Variants in PCDHA4 observed in about 807,000 individuals in gnomAD.
PCDHA4 encodes protocadherin alpha 4.
In PCDHA4, 49 loss-of-function variants were observed where a neutral mutation model predicts 61.4. The observed-to-expected ratio is 0.80, with a 90% CI of 0.63 to 1.01. The LOEUF (loss-of-function observed/expected upper bound fraction) is 1.01, where lower values mean the gene tolerates loss of function less well. Ranked by LOEUF, PCDHA4 falls within the 50% of genes least tolerant of loss-of-function variation. The probability of loss-of-function intolerance (pLI) is 0.00; values close to 1 mark genes in which losing one functional copy is unlikely to be tolerated. For missense variants in PCDHA4, 1,254 were observed against 1,235.8 expected (o/e 1.01, Z -0.22); for synonymous variants, 590 against 550.3 (o/e 1.07, Z -1.01).
rs1225926404 is a variant in PCDHA4 at position 140,809,012 on chromosome 5, T to A, written c.1825T>A (p.Tyr609Asn). 6.2e-7 allele frequency: 1 copy of A among 1,613,674 alleles called. No individual in the cohort carries two copies. Among genetic ancestry groups the A allele is most frequent in the Non-Finnish European group, 8.5e-7 (1 of 1,179,742 alleles). ...CTCGGGCTACAACGCGTGGCTTTCGTACGAGCTGCAGCCGGGGACTGGTGG... is the reference window on the plus strand; with the variant it reads ...CTCGGGCTACAACGCGTGGCTTTCGAACGAGCTGCAGCCGGGGACTGGTGG... Reference protein sequence around the residue: ...ADSGYNAWLSYELQPGTGGAR... With the variant: ...ADSGYNAWLSNELQPGTGGAR... Residue 609 changes from tyrosine to asparagine, a missense_variant, in exon 1 of 4, where the codon TAC becomes AAC. Physicochemically the swap from Tyr to Asn is moderately radical, Grantham distance 143 (BLOSUM62 -2). Transcript: ENST00000530339.
intron 1 of PCDHA4, among the ~76,000 whole-genome samples, chr5:140,902,684 A>G (rs1173996816): frequency 6.6e-6 from 1 of 152,100 alleles, no homozygotes; most frequent in Non-Finnish European, 1.5e-5. Flanking sequence ...ACCGTACCTA[A>G]TATGTGTAGT....
At chr5:140,959,285 G>A (rs2095478960) in intron 1 of PCDHA4, among the ~76,000 whole-genome samples, 1 of 152,002 alleles carries the variant, frequency 6.6e-6, no homozygotes, top group African/African-American at 2.4e-5. Flanking sequence ...CCTGAGGTGG[G>A]AGCATCACTG....
intron 1 of PCDHA4, among the ~76,000 whole-genome samples, chr5:140,963,268 T>C (rs1329086504): frequency 6.6e-6 from 1 of 152,042 alleles, no homozygotes; most frequent in African/African-American, 2.4e-5. Flanking sequence ...GACTTTGAAA[T>C]GTATGTAAGA....
intron 1 of PCDHA4, among the ~76,000 whole-genome samples, chr5:140,916,248 T>C (rs2077492943): frequency 6.6e-6 from 1 of 152,180 alleles, no homozygotes; most frequent in Admixed American, 6.5e-5. Flanking sequence ...AGCCTGGACT[T>C]GGGGACCCCA....
At chr5:140,877,761 C>T (rs2057326734) in intron 1 of PCDHA4, 4 of 1,614,180 alleles carry the variant, frequency 2.5e-6, no homozygotes, top group Non-Finnish European at 8.5e-7. Flanking sequence ...CTGCAGAGAG[C>T]CCGCCCAAGA....
At chr5:140,875,288 A>G in intron 1 of PCDHA4, 2 of 1,392,506 alleles carry the variant, frequency 1.4e-6, no homozygotes, top group East Asian at 2.5e-5. Flanking sequence ...TGAAACAGGA[A>G]AATTTTTTTC....
intron 1 of PCDHA4, among the ~76,000 whole-genome samples, chr5:140,938,922 T>G (rs2092267013): frequency 6.6e-6 from 1 of 151,926 alleles, no homozygotes; most frequent in Non-Finnish European, 1.5e-5. Flanking sequence ...CACAAGAAAT[T>G]GGCTTTTAAC....
chr5:140,961,622 A>G (rs2095624628), intron 1 of PCDHA4, among the ~76,000 whole-genome samples: 1 of 152,218 alleles, frequency 6.6e-6, no homozygotes, highest in Non-Finnish European at 1.5e-5. Flanking sequence ...AAGTGCCCAT[A>G]TGAAAAACAA....
chr5:140,877,416 G>A (rs368900600), intron 1 of PCDHA4: 32 of 1,613,802 alleles, frequency 2.0e-5, no homozygotes, highest in Non-Finnish European at 2.7e-5. Flanking sequence ...ACCGCCTGCT[G>A]GTGCTGGTGA....
intron 1 of PCDHA4, among the ~76,000 whole-genome samples, chr5:140,933,667 C>A (rs2089323484): frequency 6.6e-6 from 1 of 151,936 alleles, no homozygotes. Flanking sequence ...CTCTCTCTGT[C>A]TCTCTCACAT....
intron 3 of PCDHA4, among the ~76,000 whole-genome samples, chr5:141,007,680 C>G (rs1179621299): frequency 1.3e-5 from 2 of 152,148 alleles, no homozygotes; most frequent in African/African-American, 4.8e-5. Flanking sequence ...CAAAAGTTAT[C>G]CTACTTCCAC....
chr5:140,809,388 C>T lies in PCDHA4; in HGVS notation c.2201C>T (p.Pro734Leu), dbSNP rs782714901. The change falls in exon 1 of 4, where the codon CCG becomes CTG. Residue 734 changes from proline to leucine, a missense_variant. Transcript: ENST00000530339. ...SALPTEGACA[P>L]GKPTLVCSSA... ...CTGCCCACCGAGGGCGCGTGCGCTCCGGGCAAGCCCACGCTGGTGTGCTCC... is the reference window on the plus strand; with the variant it reads ...CTGCCCACCGAGGGCGCGTGCGCTCTGGGCAAGCCCACGCTGGTGTGCTCC... 16 of 1,613,944 alleles carry T rather than the reference C, an allele frequency of 9.9e-6. No individual in the cohort carries two copies. The highest frequency in any genetic ancestry group is 1.3e-5 in the African/African-American group (1 of 74,948).
At chr5:140,911,659 T>G (rs2075588861) in intron 1 of PCDHA4, among the ~76,000 whole-genome samples, 1 of 152,142 alleles carries the variant, frequency 6.6e-6, no homozygotes, top group African/African-American at 2.4e-5. Flanking sequence ...GTTACTAAAC[T>G]CCTTGCCTCT....
At chr5:140,829,959 G>A (rs2150178613) in intron 1 of PCDHA4, 1 of 1,613,960 alleles carries the variant, frequency 6.2e-7, no homozygotes, top group Non-Finnish European at 8.5e-7. Flanking sequence ...TTCCCGTTTC[G>A]CGTGGGGCTG....
At chr5:140,882,424 G>A in intron 1 of PCDHA4, 1 of 1,614,114 alleles carries the variant, frequency 6.2e-7, no homozygotes, top group Non-Finnish European at 8.5e-7. Context: ...CTCAGGACCT[G>A]GGGCTGGAGC....
chr5:140,863,352 G>T (rs568992628), intron 1 of PCDHA4: 16 of 1,288,838 alleles, frequency 1.2e-5, no homozygotes, highest in Non-Finnish European at 1.6e-5. Context: ...TGTACACGAC[G>T]CTGCGGTGCT....
At chr5:140,933,043 TTACAG>T (rs2088815102) in intron 1 of PCDHA4, among the ~76,000 whole-genome samples, 1 of 151,992 alleles carries the variant, frequency 6.6e-6, no homozygotes, top group Admixed American at 6.5e-5. Flanking sequence ...TGAATATGGA[TTACAG>T]TCCAGGATCC....
chr5:140,967,775 G>A, intron 1 of PCDHA4: 2 of 1,614,200 alleles, frequency 1.2e-6, no homozygotes, highest in South Asian at 2.2e-5. Context: ...CTATGTGCAG[G>A]CGACTGACCG....
chr5:140,970,776 A>G lies in PCDHA4; in HGVS notation c.2386-8173A>G, dbSNP rs1338334067. Among the ~76,000 whole-genome samples the G allele has an allele frequency of 1.3e-5, 2 of 152,212 alleles. 1 individual carries two copies. The highest frequency in any genetic ancestry group is 4.8e-5 in the African/African-American group (2 of 41,458). On this transcript the variant is annotated intron_variant, in intron 1 of 3. Coordinates refer to ENST00000530339, the MANE Select transcript of PCDHA4 (RefSeq NM_018907.4). Reference sequence around the variant, plus strand: ...TTCATTGACATATTGCTGTACATACATATTGTATGTAATATCCATATTGTT... The same window carrying G: ...TTCATTGACATATTGCTGTACATACGTATTGTATGTAATATCCATATTGTT...
Sources: gnomAD v4.1 joint callset for allele counts (sites outside exome capture counted in the v4.1 genomes callset) on GRCh38, gnomAD v4.1.1 for gene constraint, MANE v1.5 for transcripts, NCBI Gene and HGNC (gene_info 2026-07-23, HGNC 2026-07-21) for gene names.